P2RX4: variants seen among roughly 807,000 people sequenced by gnomAD.
P2RX4 encodes P2X purinoceptor 4.
Under a neutral mutation model 48.0 loss-of-function variants are expected in P2RX4, and 37 were observed. The ratio of observed to expected loss-of-function variants is 0.77; its 90% CI spans 0.59 to 1.01. P2RX4 has a LOEUF of 1.01. P2RX4 is among the 50% of genes least tolerant of loss of function. The pLI is 0.00. For missense variants in P2RX4, 501 were observed against 521.4 expected (o/e 0.96, Z 0.38); for synonymous variants, 200 against 199.7 (o/e 1.00, Z -0.01).
chr12:121,228,548 G>A lies in P2RX4; in HGVS notation c.540G>A (p.Lys180=). 1 of 1,611,658 alleles carries A rather than the reference G, an allele frequency of 6.2e-7. No individual in the cohort carries two copies. Among genetic ancestry groups the A allele is most frequent in the Non-Finnish European group, 8.5e-7 (1 of 1,179,326 alleles). Reference sequence around the variant, plus strand: ...TGTTTTTCAGACCTGCTTTTTTAAAGGCTGCAGAAAACTTCACTCTTTTGG... The same window carrying A: ...TGTTTTTCAGACCTGCTTTTTTAAAAGCTGCAGAAAACTTCACTCTTTTGG... ...DTHVPQPAFL[K]AAENFTLLVK... The change falls in exon 6 of 12, where the codon AAG becomes AAA. Residue 180 remains lysine, a synonymous_variant. Transcript: ENST00000337233.
intron 1 of P2RX4, chr12:121,215,895 AC>A: frequency 6.6e-6 from 1 of 152,254 alleles, no homozygotes. Flanking sequence ...AGAGGAGAGA[AC>A]CATATATGTG....
chr12:121,224,279 C>T (rs1039439442), intron 5 of P2RX4, among the ~76,000 whole-genome samples: 3 of 152,074 alleles, frequency 2.0e-5, no homozygotes, highest in Non-Finnish European at 2.9e-5. Context: ...AAGAAAACAA[C>T]GGATGTTTGC....
At position 121,233,615 on chromosome 12, in the gene P2RX4, T is replaced by A; in HGVS notation, c.*66T>A. 2 of 1,575,144 alleles carry A rather than the reference T, an allele frequency of 1.3e-6. No homozygotes were observed. The highest frequency in any genetic ancestry group is 1.7e-6 in the Non-Finnish European group (2 of 1,158,852). ...AACAGAGAGGAGGAGGAGGGAGAAA[T>A]GGCCACCACATCACCCCAGAGAAAT... On this transcript the variant is annotated 3_prime_UTR_variant, in exon 12 of 12. Transcript: ENST00000337233.
chr12:121,232,624 A>C lies in P2RX4; in HGVS notation c.992A>C (p.Asp331Ala). The change falls in exon 10 of 12, where the codon GAC (aspartate) becomes GCC (alanine). Residue 331 changes from aspartate (D) to alanine (A), a missense_variant. Asp to Ala is a moderately radical substitution (Grantham distance 126). Coordinates refer to ENST00000337233, the MANE Select transcript of P2RX4 (RefSeq NM_002560.3). The surrounding 1 kb of genome is among the most constrained non-coding windows in gnomAD (Gnocchi z 4.3). ...IIVFGKAGKF[D>A]IIPTMINIGS... ...GTGTCTTGGCAGGCAGGGAAATTTG[A>C]CATCATCCCCACTATGATCAACATC... The C allele has an allele frequency of 6.2e-7, 1 of 1,613,898 alleles. No homozygotes were observed. The highest frequency in any genetic ancestry group is 1.3e-5 in the African/African-American group (1 of 75,012).
At chr12:121,222,807 A>G (rs1886726585) in intron 4 of P2RX4, 140 bp from the exon 5 acceptor site, 1 of 1,526,876 alleles carries the variant, frequency 6.5e-7, no homozygotes, top group African/African-American at 1.4e-5. Flanking sequence ...GGACAGTGAC[A>G]CTGTCTAAAT....
chr12:121,211,842 T>C (rs772394760), intron 1 of P2RX4, among the ~76,000 whole-genome samples: 1 of 152,124 alleles, frequency 6.6e-6, no homozygotes, highest in Non-Finnish European at 1.5e-5. Flanking sequence ...GCCCGGCTAA[T>C]TTTTGTATTT....
At chr12:121,225,477 C>T (rs1886925123) in intron 5 of P2RX4, among the ~76,000 whole-genome samples, 2 of 152,114 alleles carry the variant, frequency 1.3e-5, no homozygotes, top group South Asian at 4.1e-4. Flanking sequence ...GTGGCGCCAT[C>T]TCTGTTCACT....
At chr12:121,218,790 A>T (rs1195645526) in intron 2 of P2RX4, among the ~76,000 whole-genome samples, 3 of 152,160 alleles carry the variant, frequency 2.0e-5, no homozygotes, top group Non-Finnish European at 2.9e-5. Context: ...TTCTTTGTAG[A>T]TGGAACACAG....
In P2RX4 at chr12:121,229,280, C is replaced by T. The variant is rs1031007422; in HGVS notation, c.884+181C>T. Among the ~76,000 whole-genome samples, 1 of 152,172 alleles carries T rather than the reference C, an allele frequency of 6.6e-6. No homozygotes were observed. The highest frequency in any genetic ancestry group is 1.5e-5 in the Non-Finnish European group (1 of 68,022). On this transcript the variant is annotated intron_variant, in intron 8 of 11. Coordinates refer to ENST00000337233, the MANE Select transcript of P2RX4 (RefSeq NM_002560.3). The surrounding 1 kb of genome is among the most constrained non-coding windows in gnomAD (Gnocchi z 4.6). ...AAATGCCCTTAGTGGTGTCCTGCTC[C>T]GGGGCCATCCCGGCCCCCGAGACCC...
At chr12:121,212,808 A>ATTT (rs1885953529) in intron 1 of P2RX4, 1 of 30,266 alleles carries the variant, frequency 3.3e-5, no homozygotes, top group African/African-American at 1.5e-4. Context: ...ATATATATAT[A>ATTT]TATATATATA....
At chr12:121,230,388 GA>G (rs1261012588) in intron 8 of P2RX4, among the ~76,000 whole-genome samples, 7 of 151,968 alleles carry the variant, frequency 4.6e-5, no homozygotes, top group East Asian at 1.9e-4. Flanking sequence ...GTCTCAGGGG[GA>G]AAAAAAAGAG....
chr12:121,221,685 G>A (rs901290960), intron 2 of P2RX4, among the ~76,000 whole-genome samples: 3 of 152,160 alleles, frequency 2.0e-5, no homozygotes, highest in African/African-American at 4.8e-5. Context: ...GAGCCACCGC[G>A]CCCGACCTGT....
intron 11 of P2RX4, 189 bp from the exon 12 acceptor site, chr12:121,233,334 A>G (rs1236085139): frequency 1.5e-6 from 1 of 659,714 alleles, no homozygotes; most frequent in Non-Finnish European, 2.7e-6. Flanking sequence ...TGGTGATGAT[A>G]ATGCATGCTC....
rs577072177 is a variant in P2RX4 at position 121,218,710 on chromosome 12, CGTG to C, written c.282+1434_282+1436del. Among the ~76,000 whole-genome samples, 874 of 152,284 alleles carry C rather than the reference CGTG, an allele frequency of 5.7e-3. 9 individuals carry two copies. The highest frequency in any genetic ancestry group is 0.02 in the African/African-American group (846 of 41,558). On this transcript the variant is annotated intron_variant, in intron 2 of 11. Transcript: ENST00000337233. ...AGGAGCACCCCACAACTCAGCCTTC[CGTG>C]GTGGATCTGGGCGGGGGCCGTGTGA... is the stretch of plus-strand genomic sequence containing the variant.
Position 121,232,405 on chromosome 12 carries a change from T to A in P2RX4, c.885-9T>A. On this transcript the variant is annotated splice_polypyrimidine_tract_variant and intron_variant, in intron 8 of 11. Coordinates refer to ENST00000337233, the MANE Select transcript of P2RX4 (RefSeq NM_002560.3). This position sits in a 1 kb window ranked among gnomAD's most constrained non-coding sequence, Gnocchi z 4.3. ...CCATCTCCCCCTGATCCATCCTCCT[T>A]CCCCTCAGGTTTGCCAAGTACTACA... 1 of 1,603,486 alleles carries A rather than the reference T, an allele frequency of 6.2e-7. No individual in the cohort carries two copies. Among genetic ancestry groups the A allele is most frequent in the Non-Finnish European group, 8.5e-7 (1 of 1,170,574 alleles).
Position 121,232,481 on chromosome 12 carries a change from C to T in P2RX4, c.952C>T (p.Arg318Cys), listed in dbSNP as rs148705105. The part of the protein sequence containing the change: ...QRTLIKAYGI[R>C]FDIIVFGKAG... ...CACGCTCATCAAGGCCTATGGCATC[C>T]GCTTCGACATCATTGTGTTTGGGAA... The change falls in exon 9 of 12, where the codon CGC becomes TGC. Residue 318 changes from arginine (R) to cysteine (C), a missense_variant. Physicochemically the swap from Arg to Cys is radical, Grantham distance 180. Coordinates refer to ENST00000337233, the MANE Select transcript of P2RX4 (RefSeq NM_002560.3). This position sits in a 1 kb window ranked among gnomAD's most constrained non-coding sequence, Gnocchi z 4.3. 4.1e-5 allele frequency: 66 copies of T among 1,614,166 alleles called. No homozygotes were observed. In the African/African-American group the frequency reaches 4.3e-4, roughly 10 times the overall value.
In P2RX4 at chr12:121,222,158, A is replaced by G. The variant is rs1246124647; in HGVS notation, c.419A>G (p.His140Arg). Residue 140 changes from histidine to arginine, a missense_variant, in exon 4 of 12, where the codon CAC becomes CGC. Physicochemically the swap from His to Arg is conservative, Grantham distance 29. Coordinates refer to ENST00000337233, the MANE Select transcript of P2RX4 (RefSeq NM_002560.3). Reference protein sequence around the residue: ...ASCTAGSAGTHSNGVSTGRCV... With the variant: ...ASCTAGSAGTRSNGVSTGRCV... ...TGTACTGCCGGCTCTGCCGGCACCC[A>G]CAGCAACGGTACGAGCTTGTGGCCT... The G allele has an allele frequency of 3.7e-6, 6 of 1,609,878 alleles. No homozygotes were observed. The highest frequency in any genetic ancestry group is 5.1e-6 in the Non-Finnish European group (6 of 1,176,260).
chr12:121,210,279 A>C lies in P2RX4; in HGVS notation c.115A>C (p.Ile39Leu). ...GLMNRAVQLL[I>L]LAYVIGWVFV... ...CATGAACCGCGCCGTGCAACTGCTC[A>C]TCCTGGCCTACGTCATCGGGTGAGC... The change falls in exon 1 of 12, where the codon ATC (isoleucine) becomes CTC (leucine). Residue 39 changes from isoleucine to leucine, a missense_variant. Physicochemically the swap from Ile to Leu is conservative, Grantham distance 5. Coordinates refer to ENST00000337233, the MANE Select transcript of P2RX4 (RefSeq NM_002560.3). The C allele has an allele frequency of 6.4e-7, 1 of 1,552,872 alleles. No individual in the cohort carries two copies. Among genetic ancestry groups the C allele is most frequent in the Non-Finnish European group, 8.7e-7 (1 of 1,154,396 alleles).
intron 5 of P2RX4, among the ~76,000 whole-genome samples, 157 bp from the exon 6 acceptor site, chr12:121,228,376 A>C (rs1460214124): frequency 7.9e-6 from 1 of 125,888 alleles, no homozygotes; most frequent in Non-Finnish European, 1.7e-5. Context: ...TCAAAAAAAA[A>C]AAAAAAAAAA....
Sources: allele counts gnomAD v4.1 joint callset (sites outside exome capture counted in the v4.1 genomes callset), GRCh38; gene constraint gnomAD v4.1.1; non-coding constraint Gnocchi (gnomAD v3.1); transcripts MANE v1.5; gene names NCBI Gene and HGNC (gene_info 2026-07-23, HGNC 2026-07-21).